Variants in RALGPS1 observed in about 807,000 individuals in gnomAD.
RALGPS1 encodes ras-specific guanine nucleotide-releasing factor RalGPS1.
RALGPS1 carries 19 observed loss-of-function variants against 78.8 expected under a neutral mutation model. The observed-to-expected ratio is 0.24, with a 90% CI of 0.17 to 0.35. RALGPS1 has a LOEUF of 0.35. Among genes scored for constraint, RALGPS1 ranks in the 10% least tolerant of loss-of-function variants. RALGPS1 has a pLI of 1.00. For missense variants in RALGPS1, 454 were observed against 688.3 expected (o/e 0.66, Z 3.81); for synonymous variants, 228 against 256.3 (o/e 0.89, Z 1.06).
chr9:127,150,859 G>A (rs1275824760), intron 8 of RALGPS1, among the ~76,000 whole-genome samples: 1 of 152,154 alleles, frequency 6.6e-6, no homozygotes, highest in Admixed American at 6.5e-5. Flanking sequence ...ACTGATGAGG[G>A]AGTGTGGCTA....
Position 127,091,871 on chromosome 9 carries a change from C to A in RALGPS1, c.610+22515C>A. On this transcript the variant is annotated intron_variant, in intron 8 of 18. Transcript: ENST00000259351. The surrounding 1 kb of genome is among the most constrained non-coding windows in gnomAD (Gnocchi z 4.3). Reference sequence around the variant, plus strand: ...ATGGTCACCAGGAGTTTGTAGTTGCCTTGGTTCGTCAGCCAGTAAATGTTC... The same window carrying A: ...ATGGTCACCAGGAGTTTGTAGTTGCATTGGTTCGTCAGCCAGTAAATGTTC... The A allele has an allele frequency of 6.2e-7, 1 of 1,614,156 alleles. No individual in the cohort carries two copies. The highest frequency in any genetic ancestry group is 8.5e-7 in the Non-Finnish European group (1 of 1,180,030).
intron 8 of RALGPS1, among the ~76,000 whole-genome samples, chr9:127,125,394 G>A (rs765422010): frequency 2.6e-5 from 4 of 152,244 alleles, no homozygotes; most frequent in African/African-American, 9.6e-5. Context: ...AAAGTCTAAG[G>A]GACCTGTGCT....
intron 5 of RALGPS1, among the ~76,000 whole-genome samples, chr9:127,040,793 C>T (rs910666912): frequency 2.0e-5 from 3 of 152,124 alleles, no homozygotes; most frequent in South Asian, 2.1e-4. Flanking sequence ...CCATCTCTAC[C>T]GTGGAATCAT....
intron 1 of RALGPS1, 79 bp from the exon 2 acceptor site, chr9:126,962,146 A>T (rs1223903588): frequency 1.4e-6 from 1 of 731,558 alleles, no homozygotes; most frequent in Non-Finnish European, 2.4e-6. Context: ...GATCTGCTCA[A>T]GTCTGGTACA....
intron 4 of RALGPS1, among the ~76,000 whole-genome samples, chr9:127,031,842 A>AT (rs1456069326): frequency 6.6e-6 from 1 of 152,256 alleles, no homozygotes; most frequent in Non-Finnish European, 1.5e-5. Context: ...ATAACTCCAC[A>AT]TAGAGTTTTT....
intron 4 of RALGPS1, 146 bp downstream of exon 4, chr9:126,977,891 G>A (rs1362251277): frequency 1.8e-6 from 1 of 551,866 alleles, no homozygotes; most frequent in Non-Finnish European, 3.2e-6. Flanking sequence ...ATTCTTGATG[G>A]TGCTCATGTT....
At position 127,211,319 on chromosome 9, in the gene RALGPS1, A is replaced by G. The variant is rs781455572; in HGVS notation, c.1248-812A>G. 3.9e-5 allele frequency among the ~76,000 whole-genome samples: 6 copies of G among 152,178 alleles called. No homozygotes were observed. Among genetic ancestry groups the G allele is most frequent in the Non-Finnish European group, 7.4e-5 (5 of 68,022 alleles). ...TGGAGGCACTGGCCGGTGTGGACCC[A>G]GGAAGGCCCGTGGAGCGCACTGGGC... On this transcript the variant is annotated intron_variant, in intron 14 of 18. Coordinates refer to ENST00000259351, the MANE Select transcript of RALGPS1 (RefSeq NM_014636.3). The surrounding 1 kb of genome is among the most constrained non-coding windows in gnomAD (Gnocchi z 5.0).
intron 8 of RALGPS1, among the ~76,000 whole-genome samples, chr9:127,071,536 GT>G (rs1467346502): frequency 1.3e-5 from 2 of 151,888 alleles, no homozygotes; most frequent in Non-Finnish European, 2.9e-5. Context: ...TTTTCCTTAA[GT>G]TGTTTCACCA....
intron 4 of RALGPS1, among the ~76,000 whole-genome samples, chr9:127,006,249 C>G (rs13293616): frequency 5.7e-4 from 86 of 150,112 alleles, no homozygotes; most frequent in African/African-American, 2.0e-3. Flanking sequence ...CACGGTCCTT[C>G]TTTGGGGACA....
At chr9:127,109,026 A>G (rs1003831701) in intron 8 of RALGPS1, among the ~76,000 whole-genome samples, 1 of 152,192 alleles carries the variant, frequency 6.6e-6, no homozygotes, top group African/African-American at 2.4e-5. Context: ...GCAGGAGGCC[A>G]TGGCCCTGCT....
chr9:127,021,627 CTTTTT>C (rs58796181), intron 4 of RALGPS1, among the ~76,000 whole-genome samples: 6 of 131,982 alleles, frequency 4.5e-5, no homozygotes, highest in South Asian at 2.4e-4. Context: ...TCTTCTTCTT[CTTTTT>C]TTTTTTTTTT....
chr9:126,956,495 G>T (rs1003554773), intron 1 of RALGPS1, among the ~76,000 whole-genome samples: 2 of 152,192 alleles, frequency 1.3e-5, no homozygotes, highest in Admixed American at 1.3e-4. Context: ...CTGGAAACAA[G>T]TGCTCTGTCT....
intron 8 of RALGPS1, among the ~76,000 whole-genome samples, chr9:127,133,429 G>C (rs776470451): frequency 6.6e-6 from 1 of 152,226 alleles, no homozygotes; most frequent in Non-Finnish European, 1.5e-5. Flanking sequence ...TTTACTCAGC[G>C]AGCTTGAGAG....
At position 127,092,545 on chromosome 9, in the gene RALGPS1, G is replaced by A. The variant is rs185858892; in HGVS notation, c.610+23189G>A. ...GATTCATTAATACAATAATTATTTAGTATTGAGCGCTTGTGATGTGCTGGC... is the reference window on the plus strand; with the variant it reads ...GATTCATTAATACAATAATTATTTAATATTGAGCGCTTGTGATGTGCTGGC... On this transcript the variant is annotated intron_variant, in intron 8 of 18. Coordinates refer to ENST00000259351, the MANE Select transcript of RALGPS1 (RefSeq NM_014636.3). 2.6e-4 allele frequency among the ~76,000 whole-genome samples: 40 copies of A among 152,222 alleles called. No individual in the cohort carries two copies. In the East Asian group the frequency reaches 5.6e-3, roughly 21 times the overall value.
chr9:127,046,862 A>G (rs2047838799), intron 5 of RALGPS1, among the ~76,000 whole-genome samples: 1 of 152,142 alleles, frequency 6.6e-6, no homozygotes, highest in Non-Finnish European at 1.5e-5. Context: ...CAAATGACCT[A>G]TAAATATTTG....
At chr9:127,089,046 G>C in intron 8 of RALGPS1, 1 of 1,614,198 alleles carries the variant, frequency 6.2e-7, no homozygotes, top group South Asian at 1.1e-5. Context: ...TAGCGGCTCC[G>C]GTAATGGCCC....
chr9:127,091,999 T>G lies in RALGPS1; in HGVS notation c.610+22643T>G. 1.3e-6 allele frequency: 2 copies of G among 1,583,944 alleles called. No individual in the cohort carries two copies. The highest frequency in any genetic ancestry group is 3.4e-5 in the Admixed American group (2 of 58,300). ...CCTGCAGCACCTGCAGCCAGCAGGC[T>G]TGGCTGTCAGACACTCAGCCCTGGA... On this transcript the variant is annotated intron_variant, in intron 8 of 18. Coordinates refer to ENST00000259351, the MANE Select transcript of RALGPS1 (RefSeq NM_014636.3). The surrounding 1 kb of genome is among the most constrained non-coding windows in gnomAD (Gnocchi z 4.3).
intron 4 of RALGPS1, among the ~76,000 whole-genome samples, chr9:127,019,118 C>G (rs997609519): frequency 6.6e-6 from 1 of 152,070 alleles, no homozygotes; most frequent in Non-Finnish European, 1.5e-5. Flanking sequence ...CCTTTCGCAA[C>G]CAGGATTTCA....
chr9:127,135,602 T>C (rs1011951125), intron 8 of RALGPS1, among the ~76,000 whole-genome samples: 1 of 152,216 alleles, frequency 6.6e-6, no homozygotes. Context: ...GCCACCTACT[T>C]CTGAGGGAAC....
Sources: allele counts gnomAD v4.1 joint callset (sites outside exome capture counted in the v4.1 genomes callset), GRCh38; gene constraint gnomAD v4.1.1; non-coding constraint Gnocchi (gnomAD v3.1); transcripts MANE v1.5; gene names NCBI Gene and HGNC (gene_info 2026-07-23, HGNC 2026-07-21).